WDPCP: variants seen among roughly 807,000 people sequenced by gnomAD.
WDPCP encodes the protein WD repeat containing planar cell polarity effector, also known as WD repeat-containing and planar cell polarity effector protein fritz homolog.
In WDPCP, 71 loss-of-function variants were observed where a neutral mutation model predicts 93.1. The ratio of observed to expected loss-of-function variants is 0.76; its 90% CI spans 0.63 to 0.93. The LOEUF (loss-of-function observed/expected upper bound fraction) is 0.93, where lower values mean the gene tolerates loss of function less well. Ranked by LOEUF, WDPCP falls within the 40% of genes least tolerant of loss-of-function variation. The pLI, the probability that WDPCP is intolerant of heterozygous loss-of-function variation, is 0.00. For synonymous variants in WDPCP, 315 were observed against 315.0 expected, an observed-to-expected ratio of 1.00 and a Z score of 0.00; for missense variants, 844 against 887.4, an observed-to-expected ratio of 0.95 and a Z score of 0.62.
intron 12 of WDPCP, among the ~76,000 whole-genome samples, chr2:63,341,051 A>C (rs1688799134): frequency 1.3e-5 from 2 of 152,176 alleles, no homozygotes. Flanking sequence ...TGAATTTTTC[A>C]GTTTCCTTCA....
At chr2:63,197,332 A>T (rs568565339) in intron 14 of WDPCP, among the ~76,000 whole-genome samples, 1 of 152,278 alleles carries the variant, frequency 6.6e-6, no homozygotes, top group Non-Finnish European at 1.5e-5. Context: ...CATAAAACAT[A>T]TGTTAATTGA....
chr2:63,838,033 T>G, the WDPCP span, among the ~76,000 whole-genome samples: 1 of 151,836 alleles, frequency 6.6e-6, no homozygotes, highest in South Asian at 2.1e-4. Context: ...AGGTGGAGGT[T>G]GCATTGAGCC....
chr2:63,168,201 T>C (rs562719029), intron 15 of WDPCP, among the ~76,000 whole-genome samples: 1 of 152,088 alleles, frequency 6.6e-6, no homozygotes, highest in Non-Finnish European at 1.5e-5. Context: ...GATTTTCCTT[T>C]ATAAAGGTGA....
At position 63,487,145 on chromosome 2, in the gene WDPCP, C is replaced by T. The variant is rs183475407; in HGVS notation, c.208+302G>A. 7.2e-5 allele frequency among the ~76,000 whole-genome samples: 11 copies of T among 152,100 alleles called. No individual in the cohort carries two copies. The East Asian group carries it at 1.9e-3, about 27-fold the overall frequency. ...GAGGCCAGCATCAGTAGGACCCATG[C>T]ATTAACAATGCCCTCTACTGGGACA... On this transcript the variant is annotated intron_variant, in intron 3 of 17. Coordinates refer to ENST00000272321, the MANE Select transcript of WDPCP (RefSeq NM_015910.7).
intron 3 of WDPCP, among the ~76,000 whole-genome samples, chr2:63,641,604 C>T: frequency 6.6e-6 from 1 of 152,084 alleles, no homozygotes; most frequent in South Asian, 2.1e-4. Context: ...TGAGAAATGT[C>T]TCTGCACATC....
At chr2:63,274,325 A>G (rs1682907526) in intron 13 of WDPCP, among the ~76,000 whole-genome samples, 1 of 152,160 alleles carries the variant, frequency 6.6e-6, no homozygotes, top group African/African-American at 2.4e-5. Context: ...TACTAAAACC[A>G]ATAGGATACA....
the WDPCP span, among the ~76,000 whole-genome samples, chr2:63,838,251 C>T: frequency 6.6e-6 from 1 of 152,138 alleles, no homozygotes; most frequent in Non-Finnish European, 1.5e-5. Flanking sequence ...AAAAAAGATG[C>T]TTAGAAATAG....
chr2:63,735,010 A>G (rs1669619427), intron 2 of WDPCP, among the ~76,000 whole-genome samples: 3 of 152,204 alleles, frequency 2.0e-5, no homozygotes, highest in African/African-American at 7.2e-5. Context: ...TCAGATTTCC[A>G]TGGTAACTCT....
intron 14 of WDPCP, among the ~76,000 whole-genome samples, chr2:63,200,006 A>C (rs1257999922): frequency 2.0e-5 from 3 of 152,146 alleles, no homozygotes; most frequent in Non-Finnish European, 4.4e-5. Flanking sequence ...GAGTCAAGGG[A>C]GATTATTTTG....
chr2:63,557,429 G>T (rs1420370657), intron 1 of WDPCP, among the ~76,000 whole-genome samples: 1 of 152,122 alleles, frequency 6.6e-6, no homozygotes, highest in Non-Finnish European at 1.5e-5. Flanking sequence ...ATTACATAAT[G>T]GTAAAGGGTT....
chr2:63,648,079 G>A (rs1171243773), intron 3 of WDPCP, among the ~76,000 whole-genome samples: 2 of 152,180 alleles, frequency 1.3e-5, no homozygotes, highest in Non-Finnish European at 2.9e-5. Context: ...ACACTCTTCT[G>A]GTTAAGACAG....
intron 2 of WDPCP, among the ~76,000 whole-genome samples, chr2:63,801,689 T>C (rs1395626324): frequency 1.3e-5 from 2 of 152,212 alleles, no homozygotes; most frequent in African/African-American, 4.8e-5. Context: ...TGGTGCATTT[T>C]ACAAACCTCT....
chr2:63,572,699 C>T (rs1242404006), intron 1 of WDPCP, among the ~76,000 whole-genome samples: 1 of 3,348 alleles, frequency 3.0e-4, no homozygotes, highest in Non-Finnish European at 3.8e-4. Flanking sequence ...GAGACTCTGT[C>T]TCAAAAAAAA....
intron 17 of WDPCP, among the ~76,000 whole-genome samples, chr2:63,138,454 CTTT>C (rs770979974): frequency 2.2e-5 from 3 of 133,692 alleles, no homozygotes; most frequent in Admixed American, 7.6e-5. Context: ...TGAGTAAGTT[CTTT>C]TTTTTTTTTT....
intron 13 of WDPCP, among the ~76,000 whole-genome samples, chr2:63,311,418 G>C (rs981263534): frequency 6.6e-6 from 1 of 152,124 alleles, no homozygotes; most frequent in African/African-American, 2.4e-5. Context: ...GTATATAGTA[G>C]ATTCATGAGC....
intron 3 of WDPCP, among the ~76,000 whole-genome samples, chr2:63,613,900 ATC>A (rs1192186297): frequency 6.6e-6 from 1 of 152,206 alleles, no homozygotes; most frequent in African/African-American, 2.4e-5. Flanking sequence ...CTCCCTAGGA[ATC>A]TCATCAAATA....
chr2:63,658,920 G>A (rs1355304604), intron 2 of WDPCP, among the ~76,000 whole-genome samples: 3 of 152,044 alleles, frequency 2.0e-5, no homozygotes, highest in East Asian at 1.9e-4. Flanking sequence ...TAGGACTTTC[G>A]TCGTCTTGAT....
chr2:63,343,667 C>T (rs553301341), intron 12 of WDPCP, among the ~76,000 whole-genome samples: 1 of 152,220 alleles, frequency 6.6e-6, no homozygotes, highest in South Asian at 2.1e-4. Context: ...ATATATGCTG[C>T]TATGCTGCAT....
chr2:63,120,076 T>G lies in WDPCP; in HGVS notation c.*1930A>C, dbSNP rs1669470547. ...GTAGAAAAACATAGATGTATCAATA[T>G]CCATATTTTATCTTTAGTATCTCAC... On this transcript the variant is annotated 3_prime_UTR_variant, in exon 18 of 18. Transcript: ENST00000272321. 6.6e-6 allele frequency among the ~76,000 whole-genome samples: 1 copy of G among 152,218 alleles called. No homozygotes were observed. The highest frequency in any genetic ancestry group is 1.5e-5 in the Non-Finnish European group (1 of 68,030).
Sources: allele counts gnomAD v4.1 joint callset (sites outside exome capture counted in the v4.1 genomes callset), GRCh38; gene constraint gnomAD v4.1.1; transcripts MANE v1.5; gene names NCBI Gene and HGNC (gene_info 2026-07-23, HGNC 2026-07-21).